Variants in DLG2 observed in about 807,000 individuals in gnomAD.
DLG2 encodes the protein discs large MAGUK scaffold protein 2.
Under a neutral mutation model 132.5 loss-of-function variants are expected in DLG2, and 45 were observed. The observed-to-expected ratio is 0.34, with a 90% CI of 0.27 to 0.44. The LOEUF is 0.44. DLG2 is among the 20% of genes least tolerant of loss of function. The probability of loss-of-function intolerance (pLI) is 1.00; values close to 1 mark genes in which losing one functional copy is unlikely to be tolerated. For missense variants in DLG2, 1,045 were observed against 1,196.9 expected, an observed-to-expected ratio of 0.87 and a Z score of 1.87; for synonymous variants, 424 against 419.6, an observed-to-expected ratio of 1.01 and a Z score of -0.13.
intron 11 of DLG2, among the ~76,000 whole-genome samples, chr11:83,982,024 A>G (rs2092823759): frequency 6.6e-6 from 1 of 152,210 alleles, no homozygotes; most frequent in Non-Finnish European, 1.5e-5. Flanking sequence ...AGTCATTGTA[A>G]CATCATAGCA....
At chr11:84,762,766 A>T (rs1422777968) in intron 6 of DLG2, among the ~76,000 whole-genome samples, 1 of 152,152 alleles carries the variant, frequency 6.6e-6, no homozygotes, top group Non-Finnish European at 1.5e-5. Flanking sequence ...GAGATACAAG[A>T]CAGAGATGAG....
intron 3 of DLG2, among the ~76,000 whole-genome samples, chr11:85,324,057 A>G (rs1412796555): frequency 6.6e-6 from 1 of 152,128 alleles, no homozygotes; most frequent in Non-Finnish European, 1.5e-5. Flanking sequence ...CACCTCAGAA[A>G]CCATGGGTCT....
rs574984124 is a variant in DLG2, at chr11:84,338,189, T to C, written c.520-86898A>G. Among the ~76,000 whole-genome samples the C allele has an allele frequency of 5.6e-4, 85 of 152,308 alleles. 2 individuals are homozygous for C. In the South Asian group the frequency reaches 0.016, roughly 29 times the overall value. On this transcript the variant is annotated intron_variant, in intron 7 of 27. Coordinates refer to ENST00000376104, the MANE Select transcript of DLG2 (RefSeq NM_001142699.3). ...GTACAGTTCGAAGCCAGCACCCACA[T>C]GAATCTAACTCCACCTTCGTGCAAT...
intron 19 of DLG2, among the ~76,000 whole-genome samples, chr11:83,622,273 C>G (rs556516367): frequency 6.6e-6 from 1 of 152,214 alleles, no homozygotes; most frequent in East Asian, 1.9e-4. Flanking sequence ...CATTTTGCAC[C>G]GGGCCCCTGC....
chr11:84,629,220 A>G (rs374939920), intron 6 of DLG2, among the ~76,000 whole-genome samples: 1 of 152,190 alleles, frequency 6.6e-6, no homozygotes, highest in Non-Finnish European at 1.5e-5. Context: ...CCCTCCCCAC[A>G]TACATCTTCT....
intron 4 of DLG2, among the ~76,000 whole-genome samples, chr11:85,214,532 C>T (rs904279192): frequency 2.0e-5 from 3 of 152,152 alleles, no homozygotes; most frequent in Non-Finnish European, 4.4e-5. Flanking sequence ...TGCATTTACT[C>T]ATCTGACACT....
intron 17 of DLG2, among the ~76,000 whole-genome samples, chr11:83,830,570 T>C (rs943536006): frequency 3.9e-5 from 6 of 152,244 alleles, no homozygotes; most frequent in African/African-American, 1.4e-4. Context: ...AAAAGTACCA[T>C]GTAAGTATTA....
intron 11 of DLG2, among the ~76,000 whole-genome samples, chr11:84,046,846 T>G (rs549870349): frequency 3.3e-5 from 5 of 151,770 alleles, no homozygotes; most frequent in African/African-American, 1.2e-4. Context: ...GTTTTCTATA[T>G]GCGATAAAGT....
chr11:85,427,278 C>A (rs1013439442), intron 3 of DLG2, among the ~76,000 whole-genome samples: 1 of 152,120 alleles, frequency 6.6e-6, no homozygotes, highest in Non-Finnish European at 1.5e-5. Context: ...ACAGAGAAAG[C>A]CACAAAGATA....
At chr11:83,569,337 T>C (rs1423219222) in intron 19 of DLG2, among the ~76,000 whole-genome samples, 4 of 152,144 alleles carry the variant, frequency 2.6e-5, no homozygotes, top group East Asian at 1.9e-4. Context: ...TCAGGAGGCA[T>C]ATGACAGGCA....
At chr11:85,570,454 G>T (rs2153225417) in intron 3 of DLG2, among the ~76,000 whole-genome samples, 1 of 152,196 alleles carries the variant, frequency 6.6e-6, no homozygotes, top group African/African-American at 2.4e-5. Flanking sequence ...GAAATCAATG[G>T]TTAATCCTAT....
chr11:85,551,308 T>C (rs1305371461), intron 3 of DLG2, among the ~76,000 whole-genome samples: 10 of 152,168 alleles, frequency 6.6e-5, no homozygotes, highest in African/African-American at 2.4e-4. Context: ...AATATGAATA[T>C]ATAATCAGCA....
chr11:83,606,666 G>T (rs905851448), intron 19 of DLG2, among the ~76,000 whole-genome samples: 7 of 151,112 alleles, frequency 4.6e-5, no homozygotes, highest in Non-Finnish European at 7.4e-5. Flanking sequence ...GGTAGCTCAC[G>T]CCTGTAATCC....
At chr11:84,020,382 G>T (rs2095356256) in intron 11 of DLG2, among the ~76,000 whole-genome samples, 1 of 152,012 alleles carries the variant, frequency 6.6e-6, no homozygotes. Context: ...CATTCATGTT[G>T]TCACTACATA....
intron 11 of DLG2, among the ~76,000 whole-genome samples, chr11:83,991,495 T>C (rs1374245540): frequency 6.6e-6 from 1 of 152,222 alleles, no homozygotes; most frequent in Non-Finnish European, 1.5e-5. Context: ...TAAAATGAAA[T>C]CTTCCCCTGC....
At chr11:83,721,570 C>T (rs1344141590) in intron 18 of DLG2, among the ~76,000 whole-genome samples, 4 of 152,174 alleles carry the variant, frequency 2.6e-5, no homozygotes, top group African/African-American at 4.8e-5. Context: ...CTTGTTTTGC[C>T]TCCTTGTCTC....
At chr11:84,706,672 T>C (rs777093321) in intron 6 of DLG2, among the ~76,000 whole-genome samples, 1 of 125,854 alleles carries the variant, frequency 7.9e-6, no homozygotes, top group Non-Finnish European at 1.7e-5. Context: ...GTAAAACAAG[T>C]AAATAAACAA....
intron 3 of DLG2, among the ~76,000 whole-genome samples, chr11:85,390,397 A>G (rs889592070): frequency 1.3e-5 from 2 of 152,168 alleles, no homozygotes; most frequent in Non-Finnish European, 2.9e-5. Flanking sequence ...CAGAAACACA[A>G]TAATAGTGGG....
At chr11:84,805,274 C>A (rs1299252316) in intron 6 of DLG2, among the ~76,000 whole-genome samples, 1 of 152,064 alleles carries the variant, frequency 6.6e-6, no homozygotes, top group Non-Finnish European at 1.5e-5. Context: ...AATTTTATCC[C>A]CATTTGACAG....
Sources: allele counts gnomAD v4.1 joint callset (sites outside exome capture counted in the v4.1 genomes callset), GRCh38; gene constraint gnomAD v4.1.1; transcripts MANE v1.5; gene names NCBI Gene and HGNC (gene_info 2026-07-23, HGNC 2026-07-21).